GDAP1: variants seen among roughly 807,000 people sequenced by gnomAD.
GDAP1 encodes ganglioside-induced differentiation-associated protein 1.
Under a neutral mutation model 40.1 loss-of-function variants are expected in GDAP1, and 34 were observed. That is an observed-to-expected ratio of 0.85 (90% CI 0.64 to 1.13). The LOEUF (loss-of-function observed/expected upper bound fraction) is 1.13, where lower values mean the gene tolerates loss of function less well. GDAP1 is among the 50% of genes most tolerant of loss of function. The pLI, the probability that GDAP1 is intolerant of heterozygous loss-of-function variation, is 0.00. For missense variants in GDAP1, 374 were observed against 433.7 expected (o/e 0.86, Z 1.22); for synonymous variants, 170 against 157.4 (o/e 1.08, Z -0.60).
intron 2 of GDAP1, among the ~76,000 whole-genome samples, chr8:74,410,101 A>G (rs1340379446): frequency 1.3e-5 from 2 of 150,030 alleles, no homozygotes; most frequent in Admixed American, 6.6e-5. Context: ...GAGATGTAAG[A>G]GAGAATTGTC....
chr8:74,382,008 T>C (rs1809962049), intron 2 of GDAP1, among the ~76,000 whole-genome samples: 1 of 152,112 alleles, frequency 6.6e-6, no homozygotes, highest in Non-Finnish European at 1.5e-5. Flanking sequence ...AACTTTTTTT[T>C]TTCCTACTAT....
At chr8:74,371,749 A>G (rs1336586719), downstream of GDAP1, among the ~76,000 whole-genome samples, 1 of 149,888 alleles carries the variant, frequency 6.7e-6, no homozygotes, top group Admixed American at 6.8e-5. Context: ...TTAGAGGGAA[A>G]TTTATAGTTT....
chr8:74,436,326 T>C (rs1470037053), intron 2 of GDAP1, among the ~76,000 whole-genome samples: 1 of 152,072 alleles, frequency 6.6e-6, no homozygotes, highest in Non-Finnish European at 1.5e-5. Context: ...TATCTGGGGC[T>C]GAGTTTTGCA....
intron 2 of GDAP1, among the ~76,000 whole-genome samples, chr8:74,440,183 G>A (rs1806145883): frequency 6.6e-6 from 1 of 152,128 alleles, no homozygotes; most frequent in Non-Finnish European, 1.5e-5. Context: ...TTTGCTTCTT[G>A]TAGGCACTGC....
intron 2 of GDAP1, among the ~76,000 whole-genome samples, chr8:74,354,314 G>T (rs1328964835): frequency 6.6e-6 from 1 of 152,104 alleles, no homozygotes; most frequent in African/African-American, 2.4e-5. Flanking sequence ...TTCTTAATAG[G>T]TGCTTAATAA....
chr8:74,416,626 AC>A (rs1805782509), intron 2 of GDAP1, among the ~76,000 whole-genome samples: 1 of 149,870 alleles, frequency 6.7e-6, no homozygotes, highest in Non-Finnish European at 1.5e-5. Flanking sequence ...GTCTCCTGCC[AC>A]CCCCATCAGA....
In GDAP1 at chr8:74,361,996, C is replaced by T; in HGVS notation, c.579+18C>T. On this transcript the variant is annotated intron_variant, in intron 4 of 5. Transcript: ENST00000220822. ...GACTTAAAGTAAGCCAATCAGCTGT[C>T]CTCAGTTGACATACACTGCACGGAG... The T allele has an allele frequency of 2.4e-6, 3 of 1,260,050 alleles. No individual in the cohort carries two copies. Among genetic ancestry groups the T allele is most frequent in the African/African-American group, 2.9e-5 (2 of 68,912 alleles). 78.1% of individuals were successfully genotyped at this position (1,260,050 alleles called of 1,614,324 possible).
chr8:74,420,076 A>G (rs1359193494), intron 2 of GDAP1, among the ~76,000 whole-genome samples: 2 of 152,174 alleles, frequency 1.3e-5, no homozygotes, highest in Non-Finnish European at 2.9e-5. Flanking sequence ...GTAGGTTTTG[A>G]GATTCGGAAA....
chr8:74,360,220 C>A lies in GDAP1; in HGVS notation c.394C>A (p.Pro132Thr). ...QHYRELLDSL[P>T]MDAYTHGCIL... ...TTACCGAGAGCTGCTTGACTCCTTGCCAATGGATGCCTATACACATGGCTG... is the reference window on the plus strand; with the variant it reads ...TTACCGAGAGCTGCTTGACTCCTTGACAATGGATGCCTATACACATGGCTG... Residue 132 changes from proline (P) to threonine (T), a missense_variant, in exon 3 of 6, where the codon CCA becomes ACA. Pro to Thr is a conservative substitution (Grantham distance 38, BLOSUM62 -1). Transcript: ENST00000220822. The A allele has an allele frequency of 1.2e-6, 2 of 1,612,978 alleles. No homozygotes were observed. The highest frequency in any genetic ancestry group is 2.2e-5 in the East Asian group (1 of 44,870).
chr8:74,435,249 C>A (rs1193118216), intron 2 of GDAP1, among the ~76,000 whole-genome samples: 1 of 152,062 alleles, frequency 6.6e-6, no homozygotes, highest in Non-Finnish European at 1.5e-5. Context: ...GAGCTTACAC[C>A]TTAAAGCAGG....
chr8:74,422,612 G>A (rs567116404), intron 2 of GDAP1, among the ~76,000 whole-genome samples: 3 of 150,292 alleles, frequency 2.0e-5, no homozygotes, highest in East Asian at 3.9e-4. Context: ...TCTTTGAACC[G>A]TTTTGATGAA....
intron 2 of GDAP1, among the ~76,000 whole-genome samples, chr8:74,373,381 A>G (rs1215931343): frequency 6.6e-5 from 10 of 152,156 alleles, no homozygotes; most frequent in Non-Finnish European, 1.0e-4. Flanking sequence ...GATTCTTCCT[A>G]TCGATGAGCA....
At position 74,366,709 on chromosome 8, in the gene GDAP1, T is replaced by G. The variant is rs1051634206; in HGVS notation, c.*2342T>G. The G allele has an allele frequency of 4.4e-6, 2 of 452,890 alleles. No homozygotes were observed. The highest frequency in any genetic ancestry group is 1.4e-4 in the East Asian group (2 of 14,388). The allele number at this position is 452,890 out of a possible 1,614,324, so 28.1% of individuals were successfully genotyped here. On this transcript the variant is annotated 3_prime_UTR_variant, in exon 6 of 6. Transcript: ENST00000220822. The stretch of plus-strand genomic sequence containing the variant: ...CAGCAGATGCCTTTTGAATCCATTT[T>G]CCATAATTGCGGATAGTCATAAATT...
chr8:74,482,016 A>G (rs1266826532), intron 2 of GDAP1, among the ~76,000 whole-genome samples: 1 of 149,750 alleles, frequency 6.7e-6, no homozygotes, highest in African/African-American at 2.4e-5. Flanking sequence ...TTTTTGTGGT[A>G]TGAGGTGGAA....
At chr8:74,359,334 C>A (rs1467137123) in intron 2 of GDAP1, among the ~76,000 whole-genome samples, 2 of 152,172 alleles carry the variant, frequency 1.3e-5, no homozygotes, top group Non-Finnish European at 2.9e-5. Flanking sequence ...ACACCTACTA[C>A]ATGTCAAACA....
At chr8:74,481,468 A>G (rs971490621) in intron 2 of GDAP1, among the ~76,000 whole-genome samples, 1 of 152,210 alleles carries the variant, frequency 6.6e-6, no homozygotes, top group African/African-American at 2.4e-5. Context: ...GCCTTATTGT[A>G]GAGATTTTTC....
intron 2 of GDAP1, among the ~76,000 whole-genome samples, chr8:74,433,896 G>A (rs966238548): frequency 2.0e-5 from 3 of 152,210 alleles, no homozygotes; most frequent in Admixed American, 6.5e-5. Context: ...AATACTCTGT[G>A]TGTACTGTCA....
chr8:74,384,341 C>T (rs1453666895), intron 2 of GDAP1, among the ~76,000 whole-genome samples: 2 of 152,090 alleles, frequency 1.3e-5, no homozygotes, highest in Admixed American at 1.3e-4. Context: ...GTTTTGGTTC[C>T]AGAGCCCATG....
chr8:74,393,346 G>C (rs906090267), intron 2 of GDAP1, among the ~76,000 whole-genome samples: 2 of 152,092 alleles, frequency 1.3e-5, no homozygotes, highest in African/African-American at 4.8e-5. Flanking sequence ...TTGTCTCACT[G>C]TTTTCCTCTT....
Sources: gnomAD v4.1 joint callset for allele counts (sites outside exome capture counted in the v4.1 genomes callset) on GRCh38, gnomAD v4.1.1 for gene constraint, MANE v1.5 for transcripts, NCBI Gene and HGNC (gene_info 2026-07-23, HGNC 2026-07-21) for gene names.